ZNF251: variants seen among roughly 807,000 people sequenced by gnomAD.
The protein encoded by ZNF251 is zinc finger protein 251.
ZNF251 carries 14 observed loss-of-function variants against 13.5 expected under a neutral mutation model. That is an observed-to-expected ratio of 1.04 (90% CI 0.69 to 1.63). The LOEUF is 1.63. Among genes scored for constraint, ZNF251 ranks in the 40% most tolerant of loss-of-function variants. The pLI is 0.00. For synonymous variants in ZNF251, 287 were observed against 295.2 expected, an observed-to-expected ratio of 0.97 and a Z score of 0.28; for missense variants, 764 against 834.9, an observed-to-expected ratio of 0.92 and a Z score of 1.05.
intron 4 of ZNF251, among the ~76,000 whole-genome samples, chr8:144,727,004 A>G (rs1483707587): frequency 6.6e-6 from 1 of 152,196 alleles, no homozygotes; most frequent in East Asian, 1.9e-4. Context: ...GTCAGTTATG[A>G]TGGTGCCACT....
intron 4 of ZNF251, among the ~76,000 whole-genome samples, chr8:144,750,775 G>A (rs192900763): frequency 1.3e-5 from 2 of 152,026 alleles, no homozygotes; most frequent in African/African-American, 2.4e-5. Context: ...TCTGGCCACC[G>A]GTTCCCTGGG....
chr8:144,723,174 C>T lies in ZNF251; in HGVS notation c.486G>A (p.Lys162=). 1 of 1,612,474 alleles carries T rather than the reference C, an allele frequency of 6.2e-7. No individual in the cohort carries two copies. Among genetic ancestry groups the T allele is most frequent in the Non-Finnish European group, 8.5e-7 (1 of 1,179,120 alleles). Residue 162 remains lysine (K), a synonymous_variant, in exon 5 of 5, where the codon AAG becomes AAA. Transcript: ENST00000292562. The part of the protein sequence containing the change: ...GQSLNKPNIH[K]RVLTEATVGR... ...CCACGGTAGCTTCTGTTAAAACTCT[C>T]TTGTGAATATTGGGTTTGTTCAAAC...
At chr8:144,741,390 G>A (rs1014273108) in intron 4 of ZNF251, among the ~76,000 whole-genome samples, 4 of 152,096 alleles carry the variant, frequency 2.6e-5, no homozygotes, top group East Asian at 1.9e-4. Flanking sequence ...ACTCACATGC[G>A]TAAACATGTA....
At chr8:144,727,599 C>T (rs1233414407) in intron 4 of ZNF251, among the ~76,000 whole-genome samples, 1 of 152,186 alleles carries the variant, frequency 6.6e-6, no homozygotes, top group Non-Finnish European at 1.5e-5. Flanking sequence ...AGCTTCCTTA[C>T]CCCTCTCAGC....
At chr8:144,741,783 G>A (rs1204678234) in intron 4 of ZNF251, among the ~76,000 whole-genome samples, 1 of 152,120 alleles carries the variant, frequency 6.6e-6, no homozygotes, top group African/African-American at 2.4e-5. Flanking sequence ...AACTTGAATC[G>A]AGATGAACAG....
intron 4 of ZNF251, among the ~76,000 whole-genome samples, chr8:144,748,012 C>T (rs149118202): frequency 1.3e-3 from 198 of 152,254 alleles, no homozygotes; most frequent in African/African-American, 4.6e-3. Context: ...TGGGCTCAAG[C>T]GATCTGCCCT....
chr8:144,745,636 TC>T (rs1824390029), intron 4 of ZNF251, among the ~76,000 whole-genome samples: 1 of 152,112 alleles, frequency 6.6e-6, no homozygotes, highest in African/African-American at 2.4e-5. Flanking sequence ...AACCTCAGAC[TC>T]CTAGGCTCAA....
rs765344691 is a variant in ZNF251, at chr8:144,755,387, G to T, written c.-76+18C>A. 5.4e-6 allele frequency: 7 copies of T among 1,288,058 alleles called. 1 individual carries two copies. The South Asian group carries it at 8.6e-5, about 16-fold the overall frequency. The allele number at this position is 1,288,058 out of a possible 1,614,324, so 79.8% of individuals were successfully genotyped here. ...GCCTGCCCGCTTGGCGCTCCTTCCTGGTCCGACACTGCCCCACCTGTTTGC... is the reference window on the plus strand; with the variant it reads ...GCCTGCCCGCTTGGCGCTCCTTCCTTGTCCGACACTGCCCCACCTGTTTGC... On this transcript the variant is annotated intron_variant, in intron 1 of 4. Coordinates refer to ENST00000292562, the MANE Select transcript of ZNF251 (RefSeq NM_138367.2).
chr8:144,738,434 C>T, intron 4 of ZNF251: 1 of 451,914 alleles, frequency 2.2e-6, no homozygotes, highest in Non-Finnish European at 2.9e-6. Context: ...CACCTCCCAC[C>T]CAGCACAGGC....
chr8:144,755,439 C>A lies in ZNF251; in HGVS notation c.-110G>T, dbSNP rs778749261. The A allele has an allele frequency of 1.2e-4, 154 of 1,288,000 alleles. No homozygotes were observed. Among genetic ancestry groups the A allele is most frequent in the Non-Finnish European group, 1.5e-4 (148 of 988,832 alleles). 79.8% of individuals were successfully genotyped at this position (1,288,000 alleles called of 1,614,324 possible). ...CGACCCGGGGAAGCCACCGAGGAAG[C>A]GCCGAGGAGCTGCGCAGTCGCACCG... is the stretch of plus-strand genomic sequence containing the variant. On this transcript the variant is annotated 5_prime_UTR_variant, in exon 1 of 5. Transcript: ENST00000292562.
intron 4 of ZNF251, among the ~76,000 whole-genome samples, chr8:144,736,717 C>T (rs1823912226): frequency 6.6e-6 from 1 of 151,912 alleles, no homozygotes; most frequent in Admixed American, 6.6e-5. Context: ...GTCTTGAACT[C>T]CCGACCTCAG....
intron 4 of ZNF251, among the ~76,000 whole-genome samples, chr8:144,741,731 A>G (rs1001780543): frequency 6.6e-6 from 1 of 152,254 alleles, no homozygotes; most frequent in Admixed American, 6.5e-5. Flanking sequence ...ATTACTTGAC[A>G]GACTAACAGC....
chr8:144,741,427 A>G (rs555038515), intron 4 of ZNF251, among the ~76,000 whole-genome samples: 38 of 152,194 alleles, frequency 2.5e-4, no homozygotes, highest in Non-Finnish European at 3.5e-4. Context: ...ATACACATAC[A>G]CCCATACATA....
At chr8:144,729,308 T>C (rs1443314103) in intron 4 of ZNF251, among the ~76,000 whole-genome samples, 1 of 150,776 alleles carries the variant, frequency 6.6e-6, no homozygotes, top group Non-Finnish European at 1.5e-5. Context: ...AGCAAGCATA[T>C]AAGATTCCTT....
At position 144,722,973 on chromosome 8, in the gene ZNF251, T is replaced by G; in HGVS notation, c.687A>C (p.Arg229Ser). Reference sequence around the variant, plus strand: ...CGTACGGCTTCTCCCCAGTGTGACTTCTCTGGTGTCTACTTAGGTCTGAAT... The same window carrying G: ...CGTACGGCTTCTCCCCAGTGTGACTGCTCTGGTGTCTACTTAGGTCTGAAT... ...KYNSDLSRHQ[R>S]SHTGEKPYEC... Residue 229 changes from arginine (R) to serine (S), a missense_variant, in exon 5 of 5, where the codon AGA becomes AGC. Transcript: ENST00000292562. This position sits in a 1 kb window ranked among gnomAD's most constrained non-coding sequence, Gnocchi z 4.8. 1 of 1,613,882 alleles carries G rather than the reference T, an allele frequency of 6.2e-7. No individual in the cohort carries two copies. Among genetic ancestry groups the G allele is most frequent in the Non-Finnish European group, 8.5e-7 (1 of 1,179,788 alleles).
At chr8:144,747,319 A>T (rs561675136) in intron 4 of ZNF251, among the ~76,000 whole-genome samples, 2 of 152,286 alleles carry the variant, frequency 1.3e-5, no homozygotes, top group East Asian at 3.9e-4. Context: ...CTGAGAATAG[A>T]CATTCTATGT....
chr8:144,728,189 G>C lies in ZNF251; in HGVS notation c.278-4807C>G, dbSNP rs116551590. ...AGTTTCGATATTGCTGAGTCTCAGG[G>C]AATATGGAGGCCCTAGGAGAGAGAG... On this transcript the variant is annotated intron_variant, in intron 4 of 4. Transcript: ENST00000292562. 6.2e-3 allele frequency among the ~76,000 whole-genome samples: 941 copies of C among 152,222 alleles called. 10 individuals are homozygous for C. The highest frequency in any genetic ancestry group is 0.021 in the African/African-American group (875 of 41,518).
intron 4 of ZNF251, among the ~76,000 whole-genome samples, chr8:144,746,647 G>T (rs181647065): frequency 6.6e-6 from 1 of 152,248 alleles, no homozygotes; most frequent in Admixed American, 6.5e-5. Flanking sequence ...GGTAATTGTT[G>T]ATTTGACTTA....
Position 144,721,259 on chromosome 8 carries a change from G to A in ZNF251, c.*385C>T. On this transcript the variant is annotated 3_prime_UTR_variant, in exon 5 of 5. Coordinates refer to ENST00000292562, the MANE Select transcript of ZNF251 (RefSeq NM_138367.2). ...GTACCACACTTGGAGGCAGGTATAT[G>A]GGACTGAAAGTGGATGTTCTCAGCC... 3.6e-6 allele frequency: 1 copy of A among 277,948 alleles called. No individual in the cohort carries two copies. The highest frequency in any genetic ancestry group is 6.6e-6 in the Non-Finnish European group (1 of 150,398). 17.2% of individuals were successfully genotyped at this position (277,948 alleles called of 1,614,324 possible).
Sources: allele counts gnomAD v4.1 joint callset (sites outside exome capture counted in the v4.1 genomes callset), GRCh38; gene constraint gnomAD v4.1.1; non-coding constraint Gnocchi (gnomAD v3.1); transcripts MANE v1.5; gene names NCBI Gene and HGNC (gene_info 2026-07-23, HGNC 2026-07-21).